BANK1: variants seen among roughly 807,000 people sequenced by gnomAD.
The protein encoded by BANK1 is B cell scaffold protein with ankyrin repeats 1, also known as B-cell scaffold protein with ankyrin repeats.
A neutral mutation model predicts 94.5 loss-of-function variants in BANK1; 95 were observed. The observed-to-expected ratio is 1.00, with a 90% CI of 0.85 to 1.19. The LOEUF (loss-of-function observed/expected upper bound fraction) is 1.19. BANK1 is among the 50% of genes most tolerant of loss of function. BANK1 has a pLI of 0.00. For missense variants in BANK1, 987 were observed against 932.2 expected, an observed-to-expected ratio of 1.06 and a Z score of -0.77; for synonymous variants, 334 against 308.4, an observed-to-expected ratio of 1.08 and a Z score of -0.87.
chr4:101,993,732 G>A (rs191099497), intron 7 of BANK1, among the ~76,000 whole-genome samples: 53 of 152,254 alleles, frequency 3.5e-4, no homozygotes, highest in African/African-American at 1.1e-3. Flanking sequence ...GTTTGATTAC[G>A]GAGAATATTC....
chr4:101,797,201 A>G (rs878927651), intron 1 of BANK1, among the ~76,000 whole-genome samples: 1 of 152,220 alleles, frequency 6.6e-6, no homozygotes, highest in Non-Finnish European at 1.5e-5. Context: ...CAAATTAATA[A>G]AGTTCAGATG....
At chr4:101,893,450 G>A (rs888186017) in intron 5 of BANK1, among the ~76,000 whole-genome samples, 2 of 151,890 alleles carry the variant, frequency 1.3e-5, no homozygotes, top group African/African-American at 4.8e-5. Flanking sequence ...AAATGTCAAT[G>A]GCTAGATAAT....
At chr4:101,871,571 A>G (rs1728288170) in intron 5 of BANK1, among the ~76,000 whole-genome samples, 1 of 152,156 alleles carries the variant, frequency 6.6e-6, no homozygotes, top group Non-Finnish European at 1.5e-5. Flanking sequence ...TTTTAGAACA[A>G]CAGAAAAGGT....
intron 7 of BANK1, among the ~76,000 whole-genome samples, chr4:101,950,479 G>T (rs1724111362): frequency 6.6e-6 from 1 of 152,016 alleles, no homozygotes; most frequent in Non-Finnish European, 1.5e-5. Flanking sequence ...TCACCATTTG[G>T]AACATCACTC....
chr4:101,847,033 T>C (rs1017874615), intron 2 of BANK1, among the ~76,000 whole-genome samples: 2 of 152,186 alleles, frequency 1.3e-5, no homozygotes, highest in Non-Finnish European at 2.9e-5. Context: ...TTTACTCATA[T>C]ATCGTTTGCC....
At chr4:101,937,147 C>T (rs1055851842) in intron 7 of BANK1, among the ~76,000 whole-genome samples, 1 of 151,606 alleles carries the variant, frequency 6.6e-6, no homozygotes, top group Non-Finnish European at 1.5e-5. Context: ...CTGTCATTTG[C>T]AACACCATAG....
At chr4:102,058,592 A>G (rs958442770) in intron 11 of BANK1, among the ~76,000 whole-genome samples, 1 of 152,002 alleles carries the variant, frequency 6.6e-6, no homozygotes, top group African/African-American at 2.4e-5. Context: ...TTTTGGTTTG[A>G]CTTGTATACC....
intron 10 of BANK1, among the ~76,000 whole-genome samples, chr4:102,033,735 A>T (rs1727405765): frequency 1.3e-5 from 2 of 152,228 alleles, no homozygotes; most frequent in African/African-American, 2.4e-5. Context: ...TATTACATGG[A>T]GATGAAAACT....
At chr4:101,989,431 C>CA (rs899065744) in intron 7 of BANK1, among the ~76,000 whole-genome samples, 1,633 of 30,116 alleles carry the variant, frequency 0.054, 81 homozygotes, top group African/African-American at 0.073. Context: ...GACTCCGTCT[C>CA]AAAAAAAAAA....
chr4:102,038,510 A>AC (rs1399867097), intron 10 of BANK1, among the ~76,000 whole-genome samples: 3 of 152,104 alleles, frequency 2.0e-5, no homozygotes, highest in Admixed American at 6.6e-5. Flanking sequence ...GAGGAGACTA[A>AC]CCCCCAGTCC....
chr4:101,906,680 A>G (rs1180974195), intron 6 of BANK1, among the ~76,000 whole-genome samples: 3 of 152,128 alleles, frequency 2.0e-5, no homozygotes, highest in African/African-American at 7.2e-5. Flanking sequence ...TCCAAAGTGA[A>G]ACGAACCAGA....
chr4:102,021,347 C>T (rs954470917), intron 7 of BANK1, among the ~76,000 whole-genome samples, 167 bp from the exon 8 acceptor site: 1 of 151,924 alleles, frequency 6.6e-6, no homozygotes, highest in African/African-American at 2.4e-5. Context: ...CCTCGTTATA[C>T]TTTTAGTACT....
intron 5 of BANK1, among the ~76,000 whole-genome samples, chr4:101,890,867 T>A (rs1330765695): frequency 6.6e-6 from 1 of 151,790 alleles, no homozygotes; most frequent in Admixed American, 6.6e-5. Flanking sequence ...AAACTTATAG[T>A]CTAGCGCTGT....
At chr4:101,964,746 A>G (rs1177028025) in intron 7 of BANK1, among the ~76,000 whole-genome samples, 1 of 152,060 alleles carries the variant, frequency 6.6e-6, no homozygotes, top group Non-Finnish European at 1.5e-5. Flanking sequence ...CTTAAAATAA[A>G]TTAAAGAGAA....
At chr4:101,818,872 A>AT (rs70964193) in intron 1 of BANK1, among the ~76,000 whole-genome samples, 9,849 of 136,098 alleles carry the variant, frequency 0.072, 524 homozygotes, top group Admixed American at 0.19. Flanking sequence ...AGATTACTGT[A>AT]TTTTTTTTTT....
chr4:102,048,237 A>G (rs1186101648), intron 11 of BANK1, among the ~76,000 whole-genome samples: 6 of 152,280 alleles, frequency 3.9e-5, no homozygotes, highest in African/African-American at 1.4e-4. Flanking sequence ...ATTTGTAAGG[A>G]CTAAGGAAAC....
intron 1 of BANK1, among the ~76,000 whole-genome samples, chr4:101,793,076 T>A (rs750403851): frequency 3.5e-4 from 53 of 152,344 alleles, no homozygotes; most frequent in African/African-American, 7.0e-4. Context: ...TAGTTTTTTT[T>A]AAATTTTTAT....
intron 11 of BANK1, among the ~76,000 whole-genome samples, chr4:102,055,951 A>C (rs1380131405): frequency 6.6e-6 from 1 of 152,064 alleles, no homozygotes; most frequent in Non-Finnish European, 1.5e-5. Context: ...CACTTGGGAA[A>C]AAAAAAGATT....
In BANK1 at chr4:101,954,944, A is replaced by G. The variant is rs1375055386; in HGVS notation, c.1206+36755A>G. The stretch of plus-strand genomic sequence containing the variant: ...CAAGGTATGGCTTGTAGAGGCAAAC[A>G]TTAGAAATATAAAGGTCAGTGATAG... On this transcript the variant is annotated intron_variant, in intron 7 of 16. Transcript: ENST00000322953. 3.9e-5 allele frequency among the ~76,000 whole-genome samples: 6 copies of G among 152,278 alleles called. No homozygotes were observed. In the East Asian group the frequency reaches 9.6e-4, roughly 24 times the overall value.
Sources: allele counts gnomAD v4.1 joint callset (sites outside exome capture counted in the v4.1 genomes callset), GRCh38; gene constraint gnomAD v4.1.1; transcripts MANE v1.5; gene names NCBI Gene and HGNC (gene_info 2026-07-23, HGNC 2026-07-21).